MAGI1: variants seen among roughly 807,000 people sequenced by gnomAD.
MAGI1 encodes the protein membrane associated guanylate kinase, WW and PDZ domain containing 1.
MAGI1 carries 58 observed loss-of-function variants against 139.9 expected under a neutral mutation model. That is an observed-to-expected ratio of 0.41 (90% CI 0.34 to 0.52). The LOEUF is 0.52. Among genes scored for constraint, MAGI1 ranks in the 20% least tolerant of loss-of-function variants. The pLI is 0.12. For missense variants in MAGI1, 1,874 were observed against 1,901.6 expected, an observed-to-expected ratio of 0.99 and a Z score of 0.27; for synonymous variants, 812 against 737.9, an observed-to-expected ratio of 1.10 and a Z score of -1.63.
chr3:65,549,430 G>C (rs374376138), intron 2 of MAGI1: 2 of 985,112 alleles, frequency 2.0e-6, no homozygotes, highest in African/African-American at 3.5e-5. Flanking sequence ...GAGCGGCCCC[G>C]GAGTTCGCCT....
At chr3:65,509,446 G>T (rs986237501) in intron 2 of MAGI1, among the ~76,000 whole-genome samples, 1 of 152,144 alleles carries the variant, frequency 6.6e-6, no homozygotes, top group Non-Finnish European at 1.5e-5. Context: ...CAGTGGGTGC[G>T]CGTACCGTGC....
intron 2 of MAGI1, among the ~76,000 whole-genome samples, chr3:65,611,454 T>TA (rs2083105174): frequency 6.9e-6 from 1 of 145,534 alleles, no homozygotes; most frequent in Admixed American, 7.0e-5. Context: ...TAGTATACTG[T>TA]TTATACTGTA....
At chr3:65,928,056 T>G (rs752760487) in intron 1 of MAGI1, among the ~76,000 whole-genome samples, 1 of 152,134 alleles carries the variant, frequency 6.6e-6, no homozygotes, top group Non-Finnish European at 1.5e-5. Flanking sequence ...AATTTTCACC[T>G]CCTAATATGC....
chr3:65,858,933 T>C (rs1325349197), intron 1 of MAGI1, among the ~76,000 whole-genome samples: 1 of 152,154 alleles, frequency 6.6e-6, no homozygotes, highest in African/African-American at 2.4e-5. Context: ...ACCATAAGTA[T>C]AATTGGAGCT....
chr3:65,616,025 A>C (rs1237693323), intron 2 of MAGI1, among the ~76,000 whole-genome samples: 1 of 152,232 alleles, frequency 6.6e-6, no homozygotes, highest in Non-Finnish European at 1.5e-5. Context: ...GCTAGCCATG[A>C]AAGTCCTCTG....
intron 1 of MAGI1, among the ~76,000 whole-genome samples, chr3:65,982,952 CTCCG>C (rs2065665468): frequency 6.6e-6 from 1 of 152,114 alleles, no homozygotes; most frequent in Non-Finnish European, 1.5e-5. Flanking sequence ...CAGGCTCTCC[CTCCG>C]TCACCTAGGC....
chr3:65,774,776 A>G (rs556204404), intron 1 of MAGI1, among the ~76,000 whole-genome samples: 1 of 152,310 alleles, frequency 6.6e-6, no homozygotes, highest in Non-Finnish European at 1.5e-5. Flanking sequence ...CAAAGAGCCA[A>G]CTAGTACTGG....
chr3:65,985,608 T>C (rs976530275), intron 1 of MAGI1, among the ~76,000 whole-genome samples: 5 of 152,248 alleles, frequency 3.3e-5, no homozygotes, highest in Admixed American at 6.5e-5. Flanking sequence ...CTCGTCTTTT[T>C]TTCCCCTGGT....
At chr3:65,957,504 G>C (rs1044769440) in intron 1 of MAGI1, among the ~76,000 whole-genome samples, 5 of 127,278 alleles carry the variant, frequency 3.9e-5, no homozygotes, top group African/African-American at 6.0e-5. Context: ...CTTGGCCACA[G>C]AGCAAGACTT....
intron 22 of MAGI1, chr3:65,360,921 TTCGCTCTTGG>T: frequency 7.2e-7 from 1 of 1,380,126 alleles, no homozygotes; most frequent in Middle Eastern, 2.7e-4. Context: ...CAAACATTCC[TTCGCTCTTGG>T]TCGGACTAGA....
intron 1 of MAGI1, among the ~76,000 whole-genome samples, chr3:65,928,030 T>C (rs760020680): frequency 6.6e-6 from 1 of 152,196 alleles, no homozygotes; most frequent in Non-Finnish European, 1.5e-5. Context: ...CCTCACTCTG[T>C]TCTTTTTTTT....
chr3:65,730,488 T>A (rs150242328), intron 1 of MAGI1, among the ~76,000 whole-genome samples: 113 of 152,240 alleles, frequency 7.4e-4, no homozygotes, highest in African/African-American at 2.6e-3. Context: ...CTCTTCTACT[T>A]CCCCTCACGT....
intron 1 of MAGI1, among the ~76,000 whole-genome samples, chr3:65,935,095 G>A (rs2062984864): frequency 6.6e-6 from 1 of 152,156 alleles, no homozygotes; most frequent in African/African-American, 2.4e-5. Context: ...CCCAAATCTA[G>A]GGTGTTTGGA....
At chr3:65,882,292 C>T (rs1012225851) in intron 1 of MAGI1, among the ~76,000 whole-genome samples, 1 of 152,086 alleles carries the variant, frequency 6.6e-6, no homozygotes, top group African/African-American at 2.4e-5. Flanking sequence ...AAGCTGTTTA[C>T]TACATGGACA....
At chr3:65,707,232 C>T (rs1459791105) in intron 1 of MAGI1, among the ~76,000 whole-genome samples, 1 of 152,202 alleles carries the variant, frequency 6.6e-6, no homozygotes, top group Non-Finnish European at 1.5e-5. Context: ...CCATTTCACA[C>T]TTCCAAATTA....
chr3:65,746,984 G>A (rs2035761937), intron 1 of MAGI1, among the ~76,000 whole-genome samples: 1 of 152,212 alleles, frequency 6.6e-6, no homozygotes. Flanking sequence ...GCTAATGGAA[G>A]ACGCCTTGAT....
chr3:65,368,131 T>C (rs1287418244), intron 18 of MAGI1, among the ~76,000 whole-genome samples: 4 of 152,288 alleles, frequency 2.6e-5, no homozygotes, highest in Middle Eastern at 3.4e-3. Context: ...AAAAGAGCTT[T>C]ATCCCAAAGC....
At chr3:66,033,481 A>C (rs1249237424) in intron 1 of MAGI1, among the ~76,000 whole-genome samples, 1 of 152,232 alleles carries the variant, frequency 6.6e-6, no homozygotes, top group African/African-American at 2.4e-5. Context: ...GAAGGAGGTC[A>C]CTGAGGAGAA....
At chr3:65,431,382 T>C (rs1453972310) in intron 10 of MAGI1, among the ~76,000 whole-genome samples, 1 of 152,198 alleles carries the variant, frequency 6.6e-6, no homozygotes, top group African/African-American at 2.4e-5. Context: ...AAACATATTA[T>C]AGTCACAAAT....
Sources: allele counts gnomAD v4.1 joint callset (sites outside exome capture counted in the v4.1 genomes callset), GRCh38; gene constraint gnomAD v4.1.1; transcripts MANE v1.5; gene names NCBI Gene and HGNC (gene_info 2026-07-23, HGNC 2026-07-21).